Variants in KCTD1 observed in about 807,000 individuals in gnomAD.
KCTD1 encodes potassium channel tetramerization domain containing 1.
In KCTD1, 24 loss-of-function variants were observed where a neutral mutation model predicts 66.0. That is an observed-to-expected ratio of 0.36 (90% confidence interval 0.26 to 0.51). The LOEUF (loss-of-function observed/expected upper bound fraction) is 0.51, where lower values mean the gene tolerates loss of function less well. Ranked by LOEUF, KCTD1 falls within the 20% of genes least tolerant of loss-of-function variation. The probability of loss-of-function intolerance (pLI) is 0.95; values close to 1 mark genes in which losing one functional copy is unlikely to be tolerated. For synonymous variants in KCTD1, 511 were observed against 517.2 expected (o/e 0.99, Z 0.16); for missense variants, 943 against 1,205.2 (o/e 0.78, Z 3.22).
chr18:26,514,880 T>C (rs1354922644), intron 1 of KCTD1, among the ~76,000 whole-genome samples: 5 of 152,212 alleles, frequency 3.3e-5, no homozygotes, highest in African/African-American at 9.6e-5. Context: ...TTGGAGAGGA[T>C]AGTGGTTGAT....
intron 1 of KCTD1, among the ~76,000 whole-genome samples, chr18:26,646,704 T>C (rs1568019860): frequency 6.6e-6 from 1 of 152,166 alleles, no homozygotes; most frequent in Non-Finnish European, 1.5e-5. Flanking sequence ...TGACTCAGAA[T>C]TTTTTTAAGA....
chr18:26,559,226 G>A (rs1198714552), intron 1 of KCTD1, among the ~76,000 whole-genome samples: 1 of 152,128 alleles, frequency 6.6e-6, no homozygotes, highest in Non-Finnish European at 1.5e-5. Flanking sequence ...TAATTTAACT[G>A]TATATTTTAA....
chr18:26,486,514 G>C (rs532580800), intron 2 of KCTD1, among the ~76,000 whole-genome samples: 1 of 152,204 alleles, frequency 6.6e-6, no homozygotes, highest in Non-Finnish European at 1.5e-5. Flanking sequence ...TGTGTTGGAA[G>C]GACTGTTCCT....
chr18:26,651,091 A>G (rs899887377), intron 1 of KCTD1, among the ~76,000 whole-genome samples: 25 of 152,184 alleles, frequency 1.6e-4, no homozygotes, highest in Admixed American at 9.2e-4. Flanking sequence ...ATCTCTCACA[A>G]CAATCTCACA....
At chr18:26,577,699 C>T (rs149585782) in intron 1 of KCTD1, among the ~76,000 whole-genome samples, 3 of 152,182 alleles carry the variant, frequency 2.0e-5, no homozygotes, top group East Asian at 3.9e-4. Context: ...GAGTCCAACA[C>T]CATGCCTGGC....
chr18:26,500,456 G>T (rs1567969585), intron 2 of KCTD1, among the ~76,000 whole-genome samples: 1 of 151,970 alleles, frequency 6.6e-6, no homozygotes, highest in Admixed American at 6.6e-5. Flanking sequence ...TGGGTGGGCA[G>T]GGGCATGGGA....
At chr18:26,628,877 T>C (rs1987559638) in intron 1 of KCTD1, among the ~76,000 whole-genome samples, 1 of 152,224 alleles carries the variant, frequency 6.6e-6, no homozygotes, top group South Asian at 2.1e-4. Context: ...GACAGAATGA[T>C]AATTTTGTTA....
At chr18:26,488,815 G>A (rs79869798) in intron 2 of KCTD1, among the ~76,000 whole-genome samples, 7 of 152,252 alleles carry the variant, frequency 4.6e-5, no homozygotes, top group Non-Finnish European at 8.8e-5. Context: ...TTTGACACTC[G>A]GTAGCAGCAG....
rs1448425680 is a variant in KCTD1, at chr18:26,548,500, T to C, written c.37A>G (p.Ser13Gly). Residue 13 changes from serine (S) to glycine (G), a missense_variant, in exon 1 of 5, where the codon AGC becomes GGC. Ser to Gly is a moderately conservative substitution (Grantham distance 56). Transcript: ENST00000580059. ...RMPGSGDCNTSAGGSASAAAA... is the reference protein window; with the variant it reads ...RMPGSGDCNTGAGGSASAAAA... ...GCAGCGCTGGCGCTGCCGCCCGCGC[T>C]GGTGTTACAGTCCCCGCTGCCAGGC... 1.6e-6 allele frequency: 2 copies of C among 1,229,844 alleles called. No homozygotes were observed. The highest frequency in any genetic ancestry group is 4.4e-5 in the Admixed American group (1 of 22,842). 76.2% of individuals were successfully genotyped at this position (1,229,844 alleles called of 1,614,324 possible). A position where few individuals can be genotyped will look rare whatever the true frequency, so the allele number is the denominator to read the frequency against.
chr18:26,528,587 C>T (rs926737410), intron 1 of KCTD1, among the ~76,000 whole-genome samples: 4 of 152,290 alleles, frequency 2.6e-5, no homozygotes, highest in Admixed American at 1.3e-4. Context: ...GCCTCCTTGA[C>T]AGTCAAACTG....
At chr18:26,612,980 T>C (rs1987169195) in intron 1 of KCTD1, among the ~76,000 whole-genome samples, 1 of 152,196 alleles carries the variant, frequency 6.6e-6, no homozygotes, top group East Asian at 1.9e-4. Context: ...TGATTTTTAA[T>C]TGTACAGTGT....
upstream of KCTD1, among the ~76,000 whole-genome samples, chr18:26,629,714 AC>A (rs978071644): frequency 1.7e-5 from 2 of 115,860 alleles, no homozygotes; most frequent in East Asian, 2.8e-4. Flanking sequence ...AAAGAGATTG[AC>A]CCCCCCGCCT....
intron 2 of KCTD1, among the ~76,000 whole-genome samples, chr18:26,477,099 A>T (rs1981388903): frequency 6.6e-6 from 1 of 152,354 alleles, no homozygotes; most frequent in East Asian, 1.9e-4. Context: ...CACGAATCCC[A>T]AACTTTCTAA....
intron 1 of KCTD1, among the ~76,000 whole-genome samples, chr18:26,527,247 C>A (rs1984207621): frequency 6.6e-6 from 1 of 152,096 alleles, no homozygotes; most frequent in African/African-American, 2.4e-5. Flanking sequence ...GAAATGGGAA[C>A]TACAGAGAGC....
chr18:26,607,516 C>G (rs1287886461), intron 1 of KCTD1, among the ~76,000 whole-genome samples: 1 of 152,198 alleles, frequency 6.6e-6, no homozygotes, highest in African/African-American at 2.4e-5. Context: ...ATATGTAATT[C>G]TTTCTCTTTT....
intron 2 of KCTD1, among the ~76,000 whole-genome samples, chr18:26,487,097 A>G (rs1479831999): frequency 3.3e-5 from 5 of 152,202 alleles, no homozygotes; most frequent in African/African-American, 9.6e-5. Context: ...ACTCAGACAC[A>G]CACACACACG....
chr18:26,566,277 A>T (rs1985978250), intron 1 of KCTD1: 3 of 152,216 alleles, frequency 2.0e-5, no homozygotes, highest in Admixed American at 2.0e-4. Flanking sequence ...CAAGGATCCT[A>T]GCACTGTATC....
upstream of KCTD1, among the ~76,000 whole-genome samples, chr18:26,641,756 A>G (rs74417309): frequency 0.03 from 4,562 of 152,248 alleles, 108 homozygotes; most frequent in African/African-American, 0.062. Context: ...GCCTAAAGTG[A>G]CATTTCAACC....
chr18:26,580,762 CAT>C (rs1195689456), intron 1 of KCTD1, among the ~76,000 whole-genome samples: 1 of 152,112 alleles, frequency 6.6e-6, no homozygotes, highest in African/African-American at 2.4e-5. Flanking sequence ...TTATATTTTA[CAT>C]TTTTTAATGG....
Sources: gnomAD v4.1 joint callset for allele counts (sites outside exome capture counted in the v4.1 genomes callset) on GRCh38, gnomAD v4.1.1 for gene constraint, MANE v1.5 for transcripts, NCBI Gene and HGNC (gene_info 2026-07-23, HGNC 2026-07-21) for gene names.